LRRC72: variants seen among roughly 807,000 people sequenced by gnomAD.
LRRC72 encodes the protein leucine rich repeat containing 72.
A neutral mutation model predicts 35.8 loss-of-function variants in LRRC72; 41 were observed. That is an observed-to-expected ratio of 1.15 (90% CI 0.89 to 1.49). The LOEUF is 1.49. Among genes scored for constraint, LRRC72 ranks in the 40% most tolerant of loss-of-function variants. The probability of loss-of-function intolerance (pLI) is 0.00; values close to 1 mark genes in which losing one functional copy is unlikely to be tolerated. For synonymous variants in LRRC72, 118 were observed against 119.2 expected, an observed-to-expected ratio of 0.99 and a Z score of 0.07; for missense variants, 389 against 330.7, an observed-to-expected ratio of 1.18 and a Z score of -1.37.
In LRRC72 at chr7:16,581,348, T is replaced by C. The variant is rs1370434352; in HGVS notation, c.723T>C (p.Asp241=). 1 of 1,530,144 alleles carries C rather than the reference T, an allele frequency of 6.5e-7. No individual in the cohort carries two copies. Among genetic ancestry groups the C allele is most frequent in the South Asian group, 1.3e-5 (1 of 78,966 alleles). The allele number at this position is 1,530,144 out of a possible 1,614,324, so 94.8% of individuals were successfully genotyped here. The change falls in exon 9 of 9, where the codon GAT becomes GAC. Residue 241 remains aspartate, a synonymous_variant. Coordinates refer to ENST00000401542, the MANE Select transcript of LRRC72 (RefSeq NM_001195280.2). ...VDKTVLDDPE[D]AVFVRSMKRS... ...GAACTGTGCTTGATGACCCAGAAGA[T>C]GCTGTTTTTGTGAGGTCCATGAAGA...
Position 16,567,553 on chromosome 7 carries a change from A to T in LRRC72, c.670+10A>T, listed in dbSNP as rs1477533623. On this transcript the variant is annotated intron_variant, in intron 7 of 8. Coordinates refer to ENST00000401542, the MANE Select transcript of LRRC72 (RefSeq NM_001195280.2). Reference sequence around the variant, plus strand: ...CAGAGAGTACCTTCAGGTATTTCGTAAAAAAAAAAAAAAAAACAAATTTAA... The same window carrying T: ...CAGAGAGTACCTTCAGGTATTTCGTTAAAAAAAAAAAAAAAACAAATTTAA... 13 of 594,430 alleles carry T rather than the reference A, an allele frequency of 2.2e-5. No individual in the cohort carries two copies. The highest frequency in any genetic ancestry group is 4.5e-5 in the African/African-American group (1 of 22,370). 36.8% of individuals were successfully genotyped at this position (594,430 alleles called of 1,614,324 possible).
intron 3 of LRRC72, among the ~76,000 whole-genome samples, chr7:16,541,806 C>T (rs188317458): frequency 5.3e-5 from 8 of 152,220 alleles, no homozygotes; most frequent in Non-Finnish European, 1.2e-4. Flanking sequence ...CAGCTACTCG[C>T]GAAGCAGAGG....
At chr7:16,554,792 G>T (rs545838407) in intron 3 of LRRC72, among the ~76,000 whole-genome samples, 1 of 152,258 alleles carries the variant, frequency 6.6e-6, no homozygotes, top group Admixed American at 6.5e-5. Context: ...GGAAAACCAT[G>T]ATTCTATAAT....
chr7:16,550,857 A>AAG (rs1463518889), intron 3 of LRRC72, among the ~76,000 whole-genome samples: 1 of 152,208 alleles, frequency 6.6e-6, no homozygotes, highest in Admixed American at 6.5e-5. Flanking sequence ...GTATATTGTT[A>AAG]TGACAAAGTA....
rs71540755 is a variant in LRRC72 at position 16,532,972 on chromosome 7, C to T, written c.164+404C>T. 9.8e-4 allele frequency among the ~76,000 whole-genome samples: 149 copies of T among 152,100 alleles called. 2 individuals are homozygous for T. The highest frequency in any genetic ancestry group is 3.4e-3 in the Middle Eastern group (1 of 294). ...TAGTAGTTGGAAAATTCACTGTTTC[C>T]GTGAAATTCAAATGTAGCCCGATAT... On this transcript the variant is annotated intron_variant, in intron 2 of 8. Coordinates refer to ENST00000401542, the MANE Select transcript of LRRC72 (RefSeq NM_001195280.2).
chr7:16,554,147 G>A (rs1360274281), intron 3 of LRRC72, among the ~76,000 whole-genome samples: 2 of 152,110 alleles, frequency 1.3e-5, no homozygotes, highest in South Asian at 2.1e-4. Context: ...TGGCCAACAT[G>A]GGGAAACCCC....
chr7:16,551,719 C>T (rs549122984), intron 3 of LRRC72, among the ~76,000 whole-genome samples: 3 of 151,990 alleles, frequency 2.0e-5, no homozygotes, highest in Admixed American at 2.0e-4. Flanking sequence ...TTCCCCCATA[C>T]CTTGCCCTAT....
At chr7:16,540,130 G>T (rs1782331149) in intron 3 of LRRC72, among the ~76,000 whole-genome samples, 1 of 152,164 alleles carries the variant, frequency 6.6e-6, no homozygotes, top group Admixed American at 6.5e-5. Flanking sequence ...AGCATCTGTG[G>T]GGGTTGTACC....
At chr7:16,527,788 A>G (rs945244805) in intron 1 of LRRC72, among the ~76,000 whole-genome samples, 2 of 152,184 alleles carry the variant, frequency 1.3e-5, no homozygotes, top group Admixed American at 6.5e-5. Flanking sequence ...TGCGTGTTGC[A>G]TGGAGGTATA....
chr7:16,527,453 GGGGTGTGTGTGTGTGTGTGGATGT>G (rs1340464789), intron 1 of LRRC72, among the ~76,000 whole-genome samples: 1 of 126,434 alleles, frequency 7.9e-6, no homozygotes, highest in Non-Finnish European at 1.9e-5. Flanking sequence ...TTCTCCAACA[GGGGTGTGTGTGTGTGTGTGGATGT>G]GGGTGTGGGT....
intron 3 of LRRC72, among the ~76,000 whole-genome samples, chr7:16,543,222 C>T (rs1248026562): frequency 6.6e-6 from 1 of 152,004 alleles, no homozygotes. Context: ...GGAAACTATG[C>T]CACTGTAGAA....
chr7:16,546,915 C>A (rs1477786183), intron 3 of LRRC72, among the ~76,000 whole-genome samples: 1 of 152,168 alleles, frequency 6.6e-6, no homozygotes, highest in African/African-American at 2.4e-5. Context: ...TGGTGGCAGA[C>A]CGTCTGGAGC....
chr7:16,577,186 A>G (rs980152390), intron 7 of LRRC72, among the ~76,000 whole-genome samples: 5 of 152,208 alleles, frequency 3.3e-5, no homozygotes, highest in Admixed American at 3.3e-4. Flanking sequence ...AGGGCTGAGC[A>G]ACTGAGGGAG....
chr7:16,530,844 G>A (rs901349418), intron 1 of LRRC72, among the ~76,000 whole-genome samples: 1 of 152,136 alleles, frequency 6.6e-6, no homozygotes, highest in Non-Finnish European at 1.5e-5. Flanking sequence ...CAAACACTAT[G>A]CAAAGATGTG....
chr7:16,564,205 G>T (rs1301421440), intron 5 of LRRC72, among the ~76,000 whole-genome samples: 2 of 152,196 alleles, frequency 1.3e-5, no homozygotes, highest in Non-Finnish European at 2.9e-5. Context: ...GTTATGAGGT[G>T]TCAGATGTGA....
intron 2 of LRRC72, among the ~76,000 whole-genome samples, chr7:16,533,285 A>G (rs1211800093): frequency 1.3e-5 from 2 of 152,022 alleles, no homozygotes; most frequent in Non-Finnish European, 2.9e-5. Flanking sequence ...CTTTGATTCC[A>G]CTCGAACTCC....
chr7:16,570,110 C>T (rs1216840953), intron 7 of LRRC72, among the ~76,000 whole-genome samples: 5 of 151,906 alleles, frequency 3.3e-5, no homozygotes, highest in Admixed American at 6.5e-5. Flanking sequence ...CCCAAAGCTA[C>T]GAGTTCATTG....
chr7:16,566,487 A>G lies in LRRC72; in HGVS notation c.517+85A>G, dbSNP rs191134021. On this transcript the variant is annotated intron_variant, in intron 6 of 8. Coordinates refer to ENST00000401542, the MANE Select transcript of LRRC72 (RefSeq NM_001195280.2). ...TTAAAAACGAAGACTACCTTTGAAA[A>G]TATGTCTTTGTAAAAAATATATCTT... 851 of 717,876 alleles carry G rather than the reference A, an allele frequency of 1.2e-3. 7 individuals are homozygous for G. The African/African-American group carries it at 0.014, about 12-fold the overall frequency. 44.5% of individuals were successfully genotyped at this position (717,876 alleles called of 1,614,324 possible).
At chr7:16,559,085 A>G (rs1782699702) in intron 5 of LRRC72, 86 bp downstream of exon 5, 1 of 774,388 alleles carries the variant, frequency 1.3e-6, no homozygotes, top group Non-Finnish European at 2.0e-6. Flanking sequence ...AAAATTAGAG[A>G]GGCAATGTTT....
Sources: allele counts gnomAD v4.1 joint callset (sites outside exome capture counted in the v4.1 genomes callset), GRCh38; gene constraint gnomAD v4.1.1; transcripts MANE v1.5; gene names NCBI Gene and HGNC (gene_info 2026-07-23, HGNC 2026-07-21).